PCDHA13: variants seen among roughly 807,000 people sequenced by gnomAD.
PCDHA13 encodes the protein protocadherin alpha 13.
A neutral mutation model predicts 64.8 loss-of-function variants in PCDHA13; 54 were observed. The observed-to-expected ratio is 0.83, with a 90% CI of 0.67 to 1.04. The LOEUF (loss-of-function observed/expected upper bound fraction) is 1.04. Among genes scored for constraint, PCDHA13 ranks in the 50% least tolerant of loss-of-function variants. The pLI is 0.00. For missense variants in PCDHA13, 1,248 were observed against 1,254.3 expected (o/e 0.99, Z 0.08); for synonymous variants, 587 against 564.4 (o/e 1.04, Z -0.57).
At chr5:140,887,767 A>G (rs782237653) in intron 1 of PCDHA13, among the ~76,000 whole-genome samples, 6 of 152,194 alleles carry the variant, frequency 3.9e-5, no homozygotes, top group African/African-American at 7.2e-5. Context: ...CATATGTTAC[A>G]ATGACACAGG....
chr5:140,978,544 A>G (rs2096808919), intron 1 of PCDHA13, among the ~76,000 whole-genome samples: 1 of 152,234 alleles, frequency 6.6e-6, no homozygotes, highest in Non-Finnish European at 1.5e-5. Context: ...TTGTGTAGCC[A>G]TGTGCCCTGT....
chr5:140,958,349 G>T lies in PCDHA13; in HGVS notation c.2395-20600G>T, dbSNP rs142186821. Among the ~76,000 whole-genome samples the T allele has an allele frequency of 7.9e-3, 1,199 of 152,218 alleles. 6 individuals carry two copies. The highest frequency in any genetic ancestry group is 0.012 in the Non-Finnish European group (790 of 67,966). On this transcript the variant is annotated intron_variant, in intron 1 of 3. Coordinates refer to ENST00000289272, the MANE Select transcript of PCDHA13 (RefSeq NM_018904.3). ...ATAAATAAATCACAGGAAGTTCACAGTCTGACTTTATCAGGAATGTTGCTA... is the reference window on the plus strand; with the variant it reads ...ATAAATAAATCACAGGAAGTTCACATTCTGACTTTATCAGGAATGTTGCTA...
At chr5:140,916,363 T>C (rs2077541371) in intron 1 of PCDHA13, among the ~76,000 whole-genome samples, 2 of 152,124 alleles carry the variant, frequency 1.3e-5, no homozygotes, top group African/African-American at 4.8e-5. Context: ...GAAGGAGTCT[T>C]TCACTGTAGC....
intron 1 of PCDHA13, among the ~76,000 whole-genome samples, chr5:140,946,629 T>TATATATATATATATATATATATATATAC (rs1367833800): frequency 2.4e-5 from 3 of 123,274 alleles, no homozygotes; most frequent in Non-Finnish European, 3.6e-5. Context: ...TATATATATA[T>TATATATATATATATATATATATATATAC]ATACAATGGA....
intron 1 of PCDHA13, among the ~76,000 whole-genome samples, chr5:140,907,826 C>T (rs1448630927): frequency 6.6e-6 from 1 of 152,192 alleles, no homozygotes; most frequent in Non-Finnish European, 1.5e-5. Context: ...TCATCCTATC[C>T]ACTTGTTTAT....
chr5:141,006,979 G>T (rs1236461454), intron 3 of PCDHA13, among the ~76,000 whole-genome samples: 1 of 152,156 alleles, frequency 6.6e-6, no homozygotes, highest in Non-Finnish European at 1.5e-5. Context: ...ACAGAGAGAT[G>T]TGGGCTTAAA....
chr5:140,989,788 G>GC (rs1331311072), intron 3 of PCDHA13, among the ~76,000 whole-genome samples: 30 of 152,276 alleles, frequency 2.0e-4, no homozygotes, highest in African/African-American at 4.6e-4. Context: ...GAGACTAGAG[G>GC]CCCCCAGGAA....
intron 1 of PCDHA13, among the ~76,000 whole-genome samples, chr5:140,886,331 G>A (rs910332577): frequency 6.6e-6 from 1 of 151,936 alleles, no homozygotes; most frequent in Admixed American, 6.6e-5. Flanking sequence ...TGGGATACAT[G>A]TGCAGAACGT....
chr5:141,003,273 G>A (rs782391603), intron 3 of PCDHA13, among the ~76,000 whole-genome samples: 5 of 152,214 alleles, frequency 3.3e-5, no homozygotes, highest in Admixed American at 6.5e-5. Context: ...TAAGGGAAGT[G>A]CCCAAATTGG....
At chr5:140,928,122 A>C in intron 1 of PCDHA13, 1 of 1,614,196 alleles carries the variant, frequency 6.2e-7, no homozygotes, top group Non-Finnish European at 8.5e-7. Context: ...AGATCAGTGA[A>C]TACCAAGTCC....
chr5:140,917,491 C>G (rs2078223929), intron 1 of PCDHA13, among the ~76,000 whole-genome samples: 1 of 152,172 alleles, frequency 6.6e-6, no homozygotes, highest in Non-Finnish European at 1.5e-5. Flanking sequence ...GGGCCTATGC[C>G]CAGAATGATA....
chr5:140,942,679 G>C (rs549826522), intron 1 of PCDHA13, among the ~76,000 whole-genome samples: 1 of 152,020 alleles, frequency 6.6e-6, no homozygotes, highest in African/African-American at 2.4e-5. Context: ...AAAGTTTTAG[G>C]AATAACTTTA....
chr5:140,916,003 A>G (rs971043760), intron 1 of PCDHA13, among the ~76,000 whole-genome samples: 1 of 152,146 alleles, frequency 6.6e-6, no homozygotes, highest in Non-Finnish European at 1.5e-5. Context: ...CACTCAAACC[A>G]CAAGACAAAG....
At chr5:140,985,999 A>G (rs932659753) in intron 3 of PCDHA13, among the ~76,000 whole-genome samples, 10 of 152,104 alleles carry the variant, frequency 6.6e-5, no homozygotes, top group Non-Finnish European at 1.5e-4. Flanking sequence ...TCAGCCTCCC[A>G]AAGTGCTGGG....
intron 3 of PCDHA13, among the ~76,000 whole-genome samples, chr5:140,985,238 A>G (rs2097143387): frequency 1.3e-5 from 2 of 152,120 alleles, no homozygotes; most frequent in Non-Finnish European, 2.9e-5. Context: ...CGCCTGGCCT[A>G]ATCTTCTTAC....
chr5:140,904,134 C>T (rs1583515585), intron 1 of PCDHA13, among the ~76,000 whole-genome samples: 2 of 152,002 alleles, frequency 1.3e-5, no homozygotes, highest in Admixed American at 6.6e-5. Flanking sequence ...ACCCATCACC[C>T]GAGCAGTATA....
intron 1 of PCDHA13, chr5:140,926,972 C>G (rs782504064): frequency 1.3e-5 from 21 of 1,609,464 alleles, no homozygotes; most frequent in Non-Finnish European, 1.7e-5. Context: ...TACTCAGTGC[C>G]GGAGGAGACG....
At chr5:140,919,525 T>G (rs2079174631) in intron 1 of PCDHA13, among the ~76,000 whole-genome samples, 1 of 152,196 alleles carries the variant, frequency 6.6e-6, no homozygotes, top group Non-Finnish European at 1.5e-5. Context: ...TAATTCTCTT[T>G]TTTTCCTATA....
chr5:140,994,209 A>G (rs2097604620), intron 3 of PCDHA13, among the ~76,000 whole-genome samples: 1 of 152,142 alleles, frequency 6.6e-6, no homozygotes, highest in Non-Finnish European at 1.5e-5. Flanking sequence ...CCAGAATGGG[A>G]CCCAGGGTCT....
Sources: allele counts gnomAD v4.1 joint callset (sites outside exome capture counted in the v4.1 genomes callset), GRCh38; gene constraint gnomAD v4.1.1; transcripts MANE v1.5; gene names NCBI Gene and HGNC (gene_info 2026-07-23, HGNC 2026-07-21).